The following GRIN2A variants were observed in gnomAD, a reference collection of about 807,000 sequenced individuals.
GRIN2A encodes glutamate receptor ionotropic, NMDA 2A.
A neutral mutation model predicts 113.4 loss-of-function variants in GRIN2A; 22 were observed. The ratio of observed to expected loss-of-function variants is 0.19; its 90% CI spans 0.14 to 0.28. GRIN2A has a LOEUF of 0.28. GRIN2A is among the 10% of genes least tolerant of loss of function. GRIN2A has a pLI of 1.00. For synonymous variants in GRIN2A, 827 were observed against 738.4 expected (o/e 1.12, Z -1.94); for missense variants, 1,502 against 1,887.0 (o/e 0.80, Z 3.78).
chr16:10,002,465 G>A (rs1423000543), intron 2 of GRIN2A, among the ~76,000 whole-genome samples: 3 of 152,210 alleles, frequency 2.0e-5, no homozygotes, highest in African/African-American at 7.2e-5. Context: ...ATCTCTGGAG[G>A]CTGAATGACC....
At chr16:10,125,941 C>G (rs1042848939) in intron 2 of GRIN2A, among the ~76,000 whole-genome samples, 2 of 152,032 alleles carry the variant, frequency 1.3e-5, no homozygotes, top group Non-Finnish European at 2.9e-5. Context: ...TGCAGGAAAA[C>G]TGGGGGCCAG....
At chr16:9,810,211 C>T (rs1174859301) in intron 10 of GRIN2A, among the ~76,000 whole-genome samples, 1 of 152,172 alleles carries the variant, frequency 6.6e-6, no homozygotes, top group African/African-American at 2.4e-5. Flanking sequence ...ACTTTGCATA[C>T]CTGTGTGCTG....
intron 2 of GRIN2A, among the ~76,000 whole-genome samples, chr16:10,033,443 CAAGCTACGATGAA>C: frequency 6.6e-6 from 1 of 152,236 alleles, no homozygotes; most frequent in East Asian, 1.9e-4. Flanking sequence ...AATTGTGATA[CAAGCTACGATGAA>C]AATAAACAGG....
chr16:10,100,074 TCAGA>T (rs2048363622), intron 2 of GRIN2A, among the ~76,000 whole-genome samples: 1 of 152,114 alleles, frequency 6.6e-6, no homozygotes. Context: ...AGGGCCCATG[TCAGA>T]CAGGTGAAGG....
intron 2 of GRIN2A, among the ~76,000 whole-genome samples, chr16:10,147,981 C>A (rs907934845): frequency 2.0e-5 from 3 of 152,314 alleles, no homozygotes; most frequent in African/African-American, 7.2e-5. Context: ...CCTTGTCCTA[C>A]CAGCATCAGA....
intron 4 of GRIN2A, among the ~76,000 whole-genome samples, chr16:9,852,825 T>C (rs1334943695): frequency 2.0e-5 from 3 of 152,220 alleles, no homozygotes; most frequent in Non-Finnish European, 4.4e-5. Flanking sequence ...GGCCAGTGTT[T>C]GTAGACAGGT....
intron 2 of GRIN2A, among the ~76,000 whole-genome samples, chr16:10,141,842 C>T (rs964357377): frequency 6.6e-6 from 1 of 152,136 alleles, no homozygotes; most frequent in African/African-American, 2.4e-5. Context: ...TGATGCATTG[C>T]CAAAGGTCAC....
Position 10,180,623 on chromosome 16 carries a change from C to T in GRIN2A, c.-18-194G>A. 1.1e-6 allele frequency: 1 copy of T among 931,708 alleles called. No individual in the cohort carries two copies. Among genetic ancestry groups the T allele is most frequent in the South Asian group, 1.7e-5 (1 of 57,418 alleles). The allele number at this position is 931,708 out of a possible 1,614,324, so 57.7% of individuals were successfully genotyped here. Reference sequence around the variant, plus strand: ...GATCCATCTCTAACTCTATCCACAACTCCAATTCGAGCTAATTCTCCATCC... The same window carrying T: ...GATCCATCTCTAACTCTATCCACAATTCCAATTCGAGCTAATTCTCCATCC... On this transcript the variant is annotated intron_variant, in intron 1 of 12. Coordinates refer to ENST00000330684, the MANE Select transcript of GRIN2A (RefSeq NM_001134407.3). This position sits in a 1 kb window ranked among gnomAD's most constrained non-coding sequence, Gnocchi z 7.0.
At chr16:9,818,141 G>C (rs1373776432) in intron 10 of GRIN2A, among the ~76,000 whole-genome samples, 1 of 151,758 alleles carries the variant, frequency 6.6e-6, no homozygotes, top group Admixed American at 6.6e-5. Flanking sequence ...ATGTGAAAAG[G>C]AAGGAAAAGG....
chr16:9,847,024 T>C (rs2042784772), intron 5 of GRIN2A, among the ~76,000 whole-genome samples: 1 of 152,128 alleles, frequency 6.6e-6, no homozygotes, highest in African/African-American at 2.4e-5. Context: ...AAAGGAGAAA[T>C]GACACAGATG....
intron 4 of GRIN2A, among the ~76,000 whole-genome samples, chr16:9,889,753 G>T (rs1287486953): frequency 6.6e-6 from 1 of 152,082 alleles, no homozygotes; most frequent in East Asian, 1.9e-4. Context: ...AATATTTGGA[G>T]ATTTTCTAGA....
chr16:10,176,461 C>T (rs1384413106), intron 2 of GRIN2A, among the ~76,000 whole-genome samples: 1 of 152,056 alleles, frequency 6.6e-6, no homozygotes, highest in Non-Finnish European at 1.5e-5. Flanking sequence ...CTTCAATGGT[C>T]AAGTAGACAG....
intron 2 of GRIN2A, among the ~76,000 whole-genome samples, chr16:10,156,985 G>A (rs1467846876): frequency 6.6e-6 from 1 of 152,154 alleles, no homozygotes; most frequent in Non-Finnish European, 1.5e-5. Context: ...TGGTGATGGG[G>A]GGCAGACTGA....
intron 2 of GRIN2A, among the ~76,000 whole-genome samples, chr16:10,083,523 C>T (rs899031860): frequency 6.6e-6 from 1 of 152,174 alleles, no homozygotes; most frequent in Non-Finnish European, 1.5e-5. Context: ...ATGAGGCCCA[C>T]GTGCTTTCAC....
chr16:9,940,036 G>C (rs1326813351), intron 2 of GRIN2A, among the ~76,000 whole-genome samples: 3 of 137,952 alleles, frequency 2.2e-5, no homozygotes, highest in South Asian at 2.3e-4. Flanking sequence ...GAGAGAGAGA[G>C]AGAGAAAGAG....
At chr16:10,038,707 G>A (rs2047082621) in intron 2 of GRIN2A, among the ~76,000 whole-genome samples, 1 of 151,650 alleles carries the variant, frequency 6.6e-6, no homozygotes, top group East Asian at 1.9e-4. Flanking sequence ...AATTACCCGG[G>A]CATGGCAGCA....
intron 2 of GRIN2A, among the ~76,000 whole-genome samples, chr16:10,012,252 CTGATTATG>C (rs1449092020): frequency 3.3e-5 from 5 of 152,268 alleles, no homozygotes; most frequent in Admixed American, 3.3e-4. Flanking sequence ...TTGAATTGAA[CTGATTATG>C]TGACATCCTG....
In GRIN2A at chr16:10,019,926, C is replaced by T. The variant is rs575783469; in HGVS notation, c.415-81375G>A. On this transcript the variant is annotated intron_variant, in intron 2 of 12. Transcript: ENST00000330684. The stretch of plus-strand genomic sequence containing the variant: ...GTGAAGCGATTAGATCTTAATTATA[C>T]TCACACCACATACACAGACACCCAA... Among the ~76,000 whole-genome samples, 30 of 152,318 alleles carry T rather than the reference C, an allele frequency of 2.0e-4. No individual in the cohort carries two copies. In the South Asian group the frequency reaches 5.8e-3, roughly 29 times the overall value.
intron 4 of GRIN2A, among the ~76,000 whole-genome samples, chr16:9,887,815 T>C (rs2043614258): frequency 6.6e-6 from 1 of 152,110 alleles, no homozygotes; most frequent in African/African-American, 2.4e-5. Flanking sequence ...TCTCAGCACT[T>C]TGGGAGGCTG....
Sources: allele counts gnomAD v4.1 joint callset (sites outside exome capture counted in the v4.1 genomes callset), GRCh38; gene constraint gnomAD v4.1.1; non-coding constraint Gnocchi (gnomAD v3.1); transcripts MANE v1.5; gene names NCBI Gene and HGNC (gene_info 2026-07-23, HGNC 2026-07-21).